Variants in SH3D19 observed in about 807,000 individuals in gnomAD.
SH3D19 encodes SH3 domain-containing protein 19.
A neutral mutation model predicts 112.1 loss-of-function variants in SH3D19; 58 were observed. That is an observed-to-expected ratio of 0.52 (90% CI 0.42 to 0.64). The LOEUF is 0.64. Ranked by LOEUF, SH3D19 falls within the 30% of genes least tolerant of loss-of-function variation. The pLI is 0.00. For synonymous variants in SH3D19, 391 were observed against 448.5 expected (o/e 0.87, Z 1.62); for missense variants, 1,090 against 1,263.4 (o/e 0.86, Z 2.08).
intron 1 of SH3D19, among the ~76,000 whole-genome samples, chr4:151,273,468 T>C (rs997875826): frequency 2.0e-5 from 3 of 151,560 alleles, no homozygotes; most frequent in Non-Finnish European, 2.9e-5. Flanking sequence ...TGGGCGCCTG[T>C]AGTCCCAGCT....
intron 17 of SH3D19, among the ~76,000 whole-genome samples, chr4:151,131,576 C>A (rs1227835865): frequency 3.3e-5 from 5 of 151,146 alleles, no homozygotes; most frequent in African/African-American, 1.2e-4. Context: ...AAACTCTGCC[C>A]CCCGGGTTCA....
chr4:151,258,706 G>A (rs984478459), intron 1 of SH3D19, among the ~76,000 whole-genome samples: 1 of 152,210 alleles, frequency 6.6e-6, no homozygotes, highest in Admixed American at 6.5e-5. Context: ...CACTTCTGAA[G>A]TCTGGTCCCT....
intron 19 of SH3D19, among the ~76,000 whole-genome samples, chr4:151,125,491 C>CGAAA (rs70941479): frequency 1.0e-5 from 1 of 97,058 alleles, no homozygotes; most frequent in Non-Finnish European, 2.1e-5. Context: ...CAAAACAAAA[C>CGAAA]CAAAAAAAAA....
chr4:151,174,271 G>A (rs1759551274), intron 7 of SH3D19, among the ~76,000 whole-genome samples: 1 of 152,156 alleles, frequency 6.6e-6, no homozygotes, highest in East Asian at 1.9e-4. Flanking sequence ...CCTTCTACAT[G>A]TTCCATAACC....
rs760117638 is a variant in SH3D19, at chr4:151,127,656, C to CA, written c.2988dup (p.Asp997Ter). 7 of 1,606,362 alleles carry CA rather than the reference C, an allele frequency of 4.4e-6. No homozygotes were observed. The highest frequency in any genetic ancestry group is 5.9e-6 in the Non-Finnish European group (7 of 1,177,324). ...TCATCTTCATTCTCCCCTCGGAAAT[C>CA]ATATAAGGCTTTGGCCTTCCTCCCC... On this transcript the variant is annotated frameshift_variant, in exon 19 of 20. Coordinates refer to ENST00000604030, the MANE Select transcript of SH3D19 (RefSeq NM_001378122.1). LOFTEE classifies it high-confidence loss of function.
chr4:151,265,550 T>C (rs1772712206), intron 1 of SH3D19, among the ~76,000 whole-genome samples: 2 of 148,070 alleles, frequency 1.4e-5, no homozygotes, highest in Non-Finnish European at 1.5e-5. Context: ...TTAATCCTTA[T>C]ATTTATTTTA....
At chr4:151,285,275 G>A (rs1217572964) in intron 1 of SH3D19, among the ~76,000 whole-genome samples, 2 of 152,108 alleles carry the variant, frequency 1.3e-5, no homozygotes. Context: ...TTTAAAAACA[G>A]AAAGAGTCCT....
chr4:151,137,675 AG>A, intron 14 of SH3D19, 56 bp downstream of exon 14: 2 of 1,384,234 alleles, frequency 1.4e-6, no homozygotes, highest in South Asian at 3.4e-5. Flanking sequence ...CCAACCTACA[AG>A]TCACATAGAA....
chr4:151,241,454 C>G (rs1329750117), intron 1 of SH3D19, among the ~76,000 whole-genome samples: 2 of 151,820 alleles, frequency 1.3e-5, no homozygotes, highest in African/African-American at 4.9e-5. Context: ...GGAGTGAAGG[C>G]TAAAACGTTC....
In SH3D19 at chr4:151,251,203, T is replaced by TC. The variant is rs1239199086; in HGVS notation, c.113-25118_113-25117insG. ...TCTTTCTTTTTCTTTTTTTCCTTTT[T>TC]TTTTTTTTTTCCTGAGACGGAGTCT... is the stretch of plus-strand genomic sequence containing the variant. On this transcript the variant is annotated intron_variant, in intron 1 of 19. Transcript: ENST00000604030. 3.1e-4 allele frequency among the ~76,000 whole-genome samples: 47 copies of TC among 150,788 alleles called. 1 individual carries two copies. The South Asian group carries it at 9.9e-3, about 32-fold the overall frequency.
intron 1 of SH3D19, among the ~76,000 whole-genome samples, chr4:151,314,185 G>A (rs1048871187): frequency 6.6e-6 from 1 of 152,190 alleles, no homozygotes; most frequent in African/African-American, 2.4e-5. Context: ...CAATGCAATT[G>A]TTAATCTACT....
At chr4:151,165,472 T>C in intron 8 of SH3D19, 117 bp downstream of exon 8, 1 of 771,348 alleles carries the variant, frequency 1.3e-6, no homozygotes, top group South Asian at 2.4e-5. Flanking sequence ...TGCTTTTAAA[T>C]AGCTTTGACT....
rs1468219833 is a variant in SH3D19 at position 151,122,011 on chromosome 4, A to G, written c.*80T>C. The G allele has an allele frequency of 1.4e-6, 1 of 730,732 alleles. No homozygotes were observed. Among genetic ancestry groups the G allele is most frequent in the Non-Finnish European group, 2.4e-6 (1 of 421,864 alleles). 45.3% of individuals were successfully genotyped at this position (730,732 alleles called of 1,614,324 possible). A position where few individuals can be genotyped will look rare whatever the true frequency, so the allele number is the denominator to read the frequency against. On this transcript the variant is annotated 3_prime_UTR_variant, in exon 20 of 20. Transcript: ENST00000604030. ...GATATTTCTTTTTCAGTTAAAAAAA[A>G]TAGTGCAAAAACATATCTGATAGTC...
intron 9 of SH3D19, among the ~76,000 whole-genome samples, chr4:151,157,254 A>G (rs1756289661): frequency 6.6e-6 from 1 of 151,900 alleles, no homozygotes. Flanking sequence ...CCTATCTCAA[A>G]AAAAGAAAAA....
chr4:151,137,823 ACAATTT>A lies in SH3D19; in HGVS notation c.2330_2335del (p.Glu777_Ile778del). On this transcript the variant is annotated inframe_deletion, in exon 14 of 20. Transcript: ENST00000604030. ...TGTATCTATCTTCTCCAGAAGATAA[ACAATTT>A]CTCCAGAAGTGAGGTTCAAATCATC... 3.7e-6 allele frequency: 6 copies of A among 1,610,614 alleles called. No individual in the cohort carries two copies. The highest frequency in any genetic ancestry group is 5.1e-6 in the Non-Finnish European group (6 of 1,178,738).
At chr4:151,216,213 T>C (rs1401721062) in intron 2 of SH3D19, among the ~76,000 whole-genome samples, 1 of 152,252 alleles carries the variant, frequency 6.6e-6, no homozygotes, top group Non-Finnish European at 1.5e-5. Flanking sequence ...AGCTAATGAA[T>C]GACTGTTCAG....
At chr4:151,269,959 T>G (rs890341878) in intron 1 of SH3D19, among the ~76,000 whole-genome samples, 21 of 152,172 alleles carry the variant, frequency 1.4e-4, no homozygotes, top group Non-Finnish European at 2.9e-4. Flanking sequence ...TGGAAGGTGT[T>G]CAGGGGCAAT....
At chr4:151,170,977 AC>A (rs1456564397) in intron 7 of SH3D19, among the ~76,000 whole-genome samples, 2 of 152,188 alleles carry the variant, frequency 1.3e-5, no homozygotes, top group African/African-American at 2.4e-5. Flanking sequence ...TGCATTTTTC[AC>A]CTAATAATAT....
intron 1 of SH3D19, among the ~76,000 whole-genome samples, chr4:151,318,487 C>T (rs1378256518): frequency 6.6e-6 from 1 of 152,040 alleles, no homozygotes; most frequent in African/African-American, 2.4e-5. Flanking sequence ...AAAGCAACTA[C>T]ATTTGATTAT....
Sources: allele counts gnomAD v4.1 joint callset (sites outside exome capture counted in the v4.1 genomes callset), GRCh38; gene constraint gnomAD v4.1.1; transcripts MANE v1.5; gene names NCBI Gene and HGNC (gene_info 2026-07-23, HGNC 2026-07-21).